The following RBM43 variants were observed in gnomAD, a reference collection of about 807,000 sequenced individuals.
The protein encoded by RBM43 is RNA binding motif protein 43.
In RBM43, 12 loss-of-function variants were observed where a neutral mutation model predicts 12.4. The observed-to-expected ratio is 0.97, with a 90% CI of 0.62 to 1.57. The LOEUF (loss-of-function observed/expected upper bound fraction) is 1.57, where lower values mean the gene tolerates loss of function less well. RBM43 is among the 40% of genes most tolerant of loss of function. The pLI is 0.00. For synonymous variants in RBM43, 138 were observed against 145.7 expected (o/e 0.95, Z 0.38); for missense variants, 348 against 400.1 (o/e 0.87, Z 1.11).
At chr2:151,253,992 AAC>A (rs1484918065) in intron 2 of RBM43, among the ~76,000 whole-genome samples, 1 of 152,126 alleles carries the variant, frequency 6.6e-6, no homozygotes, top group African/African-American at 2.4e-5. Context: ...ATTCATCTAA[AAC>A]AGCACTTTCC....
Position 151,250,370 on chromosome 2 carries a change from G to C in RBM43, c.*536C>G, listed in dbSNP as rs1320551158. 6.6e-6 allele frequency: 1 copy of C among 152,204 alleles called. No individual in the cohort carries two copies. Among genetic ancestry groups the C allele is most frequent in the Non-Finnish European group, 1.5e-5 (1 of 68,078 alleles). 9.4% of individuals were successfully genotyped at this position (152,204 alleles called of 1,614,324 possible). ...CCAGCACTTTGGGAGGCCGAGGCGGGTGGATCACAAGGTCAGGAGATGGAG... is the reference window on the plus strand; with the variant it reads ...CCAGCACTTTGGGAGGCCGAGGCGGCTGGATCACAAGGTCAGGAGATGGAG... On this transcript the variant is annotated 3_prime_UTR_variant, in exon 4 of 4. Coordinates refer to ENST00000331426, the MANE Select transcript of RBM43 (RefSeq NM_198557.3).
rs1426686420 is a variant in RBM43, at chr2:151,249,916, A to G, written c.*990T>C. Reference sequence around the variant, plus strand: ...TGTGTCCCAAGTACTTTTTCCCCCTAGCTTCTTGAGTCTGTTTTAGTTGGA... The same window carrying G: ...TGTGTCCCAAGTACTTTTTCCCCCTGGCTTCTTGAGTCTGTTTTAGTTGGA... On this transcript the variant is annotated 3_prime_UTR_variant, in exon 4 of 4. Transcript: ENST00000331426. 6.6e-6 allele frequency: 1 copy of G among 152,142 alleles called. No individual in the cohort carries two copies. Among genetic ancestry groups the G allele is most frequent in the African/African-American group, 2.4e-5 (1 of 41,446 alleles). The allele number at this position is 152,142 out of a possible 1,614,324, so 9.4% of individuals were successfully genotyped here.
rs565933997 is a variant in RBM43, at chr2:151,255,713, C to T, written c.34G>A (p.Ala12Thr). 4.6e-4 allele frequency: 741 copies of T among 1,613,718 alleles called. 15 individuals carry two copies. The South Asian group carries it at 7.7e-3, about 17-fold the overall frequency. The stretch of plus-strand genomic sequence containing the variant: ...GCAACTACAACCGTTCTTTCAGGAG[C>T]TTTGGATTCCTTGACATTCAAAACT... ...ASVLNVKESK[A>T]PERTVVVAGL... is the part of the protein sequence containing the mutation. Residue 12 changes from alanine to threonine, a missense_variant, in exon 2 of 4, where the codon GCT becomes ACT. Transcript: ENST00000331426.
rs369180429 is a variant in RBM43, at chr2:151,261,669, T to G, written c.3+56A>C. On this transcript the variant is annotated intron_variant, in intron 1 of 3. Coordinates refer to ENST00000331426, the MANE Select transcript of RBM43 (RefSeq NM_198557.3). ...GGTTCCGCGCCCTTCTAGGGGACCA[T>G]GGCGACGGTACAGGCACGGACCTGC... is the stretch of plus-strand genomic sequence containing the variant. 9.0e-5 allele frequency: 141 copies of G among 1,574,992 alleles called. 1 individual carries two copies. The South Asian group carries it at 1.6e-3, about 18-fold the overall frequency.
intron 1 of RBM43, among the ~76,000 whole-genome samples, chr2:151,256,307 T>A (rs142346710): frequency 3.7e-4 from 57 of 152,264 alleles, no homozygotes; most frequent in African/African-American, 1.4e-3. Flanking sequence ...TTTGTCTGAT[T>A]TAGGAAGGCC....
chr2:151,261,149 C>G, intron 1 of RBM43: 5 of 1,326,662 alleles, frequency 3.8e-6, no homozygotes, highest in Non-Finnish European at 5.1e-6. Context: ...TTGATGGAAA[C>G]AAAACAAAAC....
In RBM43 at chr2:151,251,392, T is replaced by C; in HGVS notation, c.588A>G (p.Leu196=). 2 of 1,614,238 alleles carry C rather than the reference T, an allele frequency of 1.2e-6. No homozygotes were observed. Among genetic ancestry groups the C allele is most frequent in the Non-Finnish European group, 1.7e-6 (2 of 1,180,032 alleles). ...ATGCCAAAGAGTTATTACTTCTCTG[T>C]AGATTCCTCTGGGGATTTTGTCTAT... ...KWNRQNPQRN[L]QRSNNSLASV... is the part of the protein sequence containing the mutation. Residue 196 remains leucine (L), a synonymous_variant, in exon 4 of 4, where the codon CTA becomes CTG. Transcript: ENST00000331426.
chr2:151,255,216 A>G (rs1682955736), intron 2 of RBM43, among the ~76,000 whole-genome samples: 2 of 152,116 alleles, frequency 1.3e-5, no homozygotes, highest in Non-Finnish European at 1.5e-5. Context: ...GGAGTTCGAG[A>G]CCAACCTGGC....
At chr2:151,257,928 G>C (rs1314740059) in intron 1 of RBM43, among the ~76,000 whole-genome samples, 1 of 151,990 alleles carries the variant, frequency 6.6e-6, no homozygotes, top group Non-Finnish European at 1.5e-5. Context: ...AAATTAGCTG[G>C]GTGTGGTGGC....
rs546195105 is a variant in RBM43, at chr2:151,249,660, G to C, written c.*1246C>G. On this transcript the variant is annotated 3_prime_UTR_variant, in exon 4 of 4. Transcript: ENST00000331426. The stretch of plus-strand genomic sequence containing the variant: ...GGCCTCCCAAAGTGCTGGGATTACA[G>C]GTATGAGTCACCACGCCCGGCCAAC... 1 of 152,452 alleles carries C rather than the reference G, an allele frequency of 6.6e-6. No individual in the cohort carries two copies. Among genetic ancestry groups the C allele is most frequent in the East Asian group, 1.9e-4 (1 of 5,176 alleles). The allele number at this position is 152,452 out of a possible 1,614,324, so 9.4% of individuals were successfully genotyped here.
In RBM43 at chr2:151,251,298, GA is replaced by G; in HGVS notation, c.681del (p.Leu228PhefsTer3). Reference protein sequence around the residue: ...GEMLVLDTDVFLYLKHKCGSY... With the variant: ...GEMLVLDTDVXLYLKHKCGSY... ...GATCCACACTTGTGTTTCAGGTAAAGAAAAACATCTGTGTCAAGCACAAGCA... is the reference window on the plus strand; with the variant it reads ...GATCCACACTTGTGTTTCAGGTAAAGAAAACATCTGTGTCAAGCACAAGCA... On this transcript the variant is annotated frameshift_variant, in exon 4 of 4. Transcript: ENST00000331426. LOFTEE classifies it low-confidence loss of function (END_TRUNC). 2 of 1,613,944 alleles carry G rather than the reference GA, an allele frequency of 1.2e-6. No homozygotes were observed. Among genetic ancestry groups the G allele is most frequent in the Non-Finnish European group, 1.7e-6 (2 of 1,179,986 alleles).
intron 1 of RBM43, among the ~76,000 whole-genome samples, chr2:151,256,833 A>C (rs191850535): frequency 2.5e-4 from 38 of 152,232 alleles, no homozygotes; most frequent in African/African-American, 7.5e-4. Flanking sequence ...ATAAATAAAC[A>C]AACCAACCAA....
intron 1 of RBM43, among the ~76,000 whole-genome samples, chr2:151,258,835 T>A (rs1683008538): frequency 6.6e-6 from 1 of 152,082 alleles, no homozygotes; most frequent in South Asian, 2.1e-4. Context: ...AGTACTTGCA[T>A]GATTTTAAGT....
At chr2:151,260,311 A>G (rs1349491495) in intron 1 of RBM43, among the ~76,000 whole-genome samples, 1 of 151,866 alleles carries the variant, frequency 6.6e-6, no homozygotes, top group African/African-American at 2.4e-5. Flanking sequence ...TTTTTAGTAG[A>G]GACTCCTGAC....
Position 151,252,838 on chromosome 2 carries a change from T to C in RBM43, c.232A>G (p.Arg78Gly), listed in dbSNP as rs777455993. ...CTTGCTAGCCAGTGTTTCTTTTGTC[T>C]GATGACATTCTCTGCAACTAAGTGG... is the stretch of plus-strand genomic sequence containing the variant. Reference protein sequence around the residue: ...KEKKVAENVIRQKKHWLARKT... With the variant: ...KEKKVAENVIGQKKHWLARKT... The change falls in exon 3 of 4, where the codon AGA becomes GGA. Residue 78 changes from arginine (R) to glycine (G), a missense_variant. Transcript: ENST00000331426. The C allele has an allele frequency of 5.0e-6, 8 of 1,603,354 alleles. No homozygotes were observed. Among genetic ancestry groups the C allele is most frequent in the Non-Finnish European group, 5.1e-6 (6 of 1,170,902 alleles).
At chr2:151,258,860 A>G (rs1266952871) in intron 1 of RBM43, among the ~76,000 whole-genome samples, 1 of 151,858 alleles carries the variant, frequency 6.6e-6, no homozygotes, top group Non-Finnish European at 1.5e-5. Context: ...TATGGAATGC[A>G]GGCCGGGCAC....
intron 1 of RBM43, among the ~76,000 whole-genome samples, chr2:151,257,351 C>G (rs960927447): frequency 1.3e-5 from 2 of 152,106 alleles, no homozygotes; most frequent in Non-Finnish European, 2.9e-5. Flanking sequence ...CACACACACA[C>G]AGTGTCCTGT....
intron 1 of RBM43, 97 bp downstream of exon 1, chr2:151,261,628 C>T: frequency 3.2e-6 from 5 of 1,550,872 alleles, no homozygotes; most frequent in Admixed American, 2.0e-5. Flanking sequence ...GCCCTGCACC[C>T]TGGCCCGTCG....
Position 151,261,802 on chromosome 2 carries a change from C to A in RBM43, c.-75G>T. On this transcript the variant is annotated 5_prime_UTR_variant, in exon 1 of 4. Coordinates refer to ENST00000331426, the MANE Select transcript of RBM43 (RefSeq NM_198557.3). ...GGAACGCAGGCGATGGGGAGAGGAG[C>A]GAGCAGGCAGGTTTTGGTTTCGTTT... 2.6e-6 allele frequency: 4 copies of A among 1,536,668 alleles called. No individual in the cohort carries two copies. Among genetic ancestry groups the A allele is most frequent in the Admixed American group, 2.1e-5 (1 of 48,776 alleles).
Sources: gnomAD v4.1 joint callset for allele counts (sites outside exome capture counted in the v4.1 genomes callset) on GRCh38, gnomAD v4.1.1 for gene constraint, MANE v1.5 for transcripts, NCBI Gene and HGNC (gene_info 2026-07-23, HGNC 2026-07-21) for gene names.